Variants in TRPS1 observed in about 807,000 individuals in gnomAD.
TRPS1 encodes the protein transcriptional repressor GATA binding 1.
TRPS1 carries 6 observed loss-of-function variants against 101.2 expected under a neutral mutation model. That is an observed-to-expected ratio of 0.06 (90% CI 0.03 to 0.12). The LOEUF is 0.12. Among genes scored for constraint, TRPS1 ranks in the 10% least tolerant of loss-of-function variants. TRPS1 has a pLI of 1.00. For missense variants in TRPS1, 1,363 were observed against 1,567.0 expected, an observed-to-expected ratio of 0.87 and a Z score of 2.20; for synonymous variants, 578 against 589.8, an observed-to-expected ratio of 0.98 and a Z score of 0.29.
chr8:115,487,323 C>G (rs1814907765), intron 5 of TRPS1, among the ~76,000 whole-genome samples: 1 of 152,088 alleles, frequency 6.6e-6, no homozygotes, highest in East Asian at 1.9e-4. Context: ...CCCCAGAGCT[C>G]TGATGGATAT....
intron 1 of TRPS1, among the ~76,000 whole-genome samples, chr8:115,626,585 A>G (rs1477083329): frequency 6.6e-6 from 1 of 151,806 alleles, no homozygotes; most frequent in Non-Finnish European, 1.5e-5. Context: ...TTTTAAAGCT[A>G]TTTTTGAACA....
chr8:115,522,139 T>C (rs547418720), intron 5 of TRPS1, among the ~76,000 whole-genome samples: 3 of 152,070 alleles, frequency 2.0e-5, no homozygotes, highest in African/African-American at 7.2e-5. Flanking sequence ...CTACGTAAGA[T>C]AGGGTATTGA....
rs1382648999 is a variant in TRPS1, at chr8:115,587,579, G to A, written c.2122C>T (p.Arg708Cys). 2 of 1,614,006 alleles carry A rather than the reference G, an allele frequency of 1.2e-6. No homozygotes were observed. The highest frequency in any genetic ancestry group is 2.2e-5 in the East Asian group (1 of 44,880). ...YRRAHSCYKC[R>C]QCSFTAADTQ... ...TCGGCAGCTGTAAAACTGCACTGAC[G>A]GCATTTGTAGCAGCTGTGTGCTCTC... is the stretch of plus-strand genomic sequence containing the variant. The change falls in exon 5 of 7, where the codon CGT (arginine) becomes TGT (cysteine). Residue 708 changes from arginine (R) to cysteine (C), a missense_variant. This residue lies in a region of TRPS1 where 1,020 missense variants were observed against 1,073.0 expected (regional missense o/e 0.95). Transcript: ENST00000395715.
chr8:115,560,836 A>G (rs529234724), intron 5 of TRPS1, among the ~76,000 whole-genome samples: 2 of 152,214 alleles, frequency 1.3e-5, no homozygotes, highest in South Asian at 4.1e-4. Context: ...TAGCATAAAA[A>G]TCCCTACTGA....
intron 1 of TRPS1, among the ~76,000 whole-genome samples, chr8:115,647,611 ATGTT>A (rs1811445173): frequency 6.6e-6 from 1 of 152,196 alleles, no homozygotes; most frequent in Non-Finnish European, 1.5e-5. Flanking sequence ...CTACTCAAGA[ATGTT>A]TGTGTAAGTA....
intron 5 of TRPS1, among the ~76,000 whole-genome samples, chr8:115,539,854 C>G (rs1007580303): frequency 3.9e-5 from 6 of 152,116 alleles, no homozygotes; most frequent in African/African-American, 1.4e-4. Context: ...TGGAATGCAG[C>G]CTCCGACTCA....
chr8:115,425,478 C>T (rs753103846), intron 5 of TRPS1, among the ~76,000 whole-genome samples: 12 of 152,144 alleles, frequency 7.9e-5, no homozygotes, highest in Non-Finnish European at 1.3e-4. Context: ...AGTTTTTGTT[C>T]CAGGACATGA....
rs755499220 is a variant in TRPS1, at chr8:115,414,567, T to C, written c.3341A>G (p.His1114Arg). ...ATCAGCTTCACTCTGGAAGTCATTA[T>C]GTACAAAGGGAAGTCCAAAAAGTGG... ...QYPLFGLPFVHNDFQSEADWL... is the reference protein window; with the variant it reads ...QYPLFGLPFVRNDFQSEADWL... The change falls in exon 7 of 7, where the codon CAT becomes CGT. Residue 1114 changes from histidine (H) to arginine (R), a missense_variant. Transcript: ENST00000395715. The surrounding 1 kb of genome is among the most constrained non-coding windows in gnomAD (Gnocchi z 4.8). 1.2e-6 allele frequency: 2 copies of C among 1,613,978 alleles called. No individual in the cohort carries two copies. The highest frequency in any genetic ancestry group is 1.1e-5 in the South Asian group (1 of 91,082).
intron 5 of TRPS1, among the ~76,000 whole-genome samples, chr8:115,562,404 TTAG>T: frequency 6.6e-6 from 1 of 152,116 alleles, no homozygotes; most frequent in South Asian, 2.1e-4. Context: ...TTTTTAAGTT[TTAG>T]TACTTAATTC....
chr8:115,502,784 C>T (rs971691156), intron 5 of TRPS1, among the ~76,000 whole-genome samples: 3 of 152,096 alleles, frequency 2.0e-5, no homozygotes, highest in African/African-American at 7.2e-5. Flanking sequence ...GAAATGGCAT[C>T]TCATGTATTT....
chr8:115,629,511 C>T (rs191674964), intron 1 of TRPS1, among the ~76,000 whole-genome samples: 3 of 151,884 alleles, frequency 2.0e-5, no homozygotes, highest in African/African-American at 7.2e-5. Flanking sequence ...ATACAGATAT[C>T]ACTGCATAAA....
chr8:115,491,135 T>C (rs1448757089), intron 5 of TRPS1, among the ~76,000 whole-genome samples: 1 of 152,224 alleles, frequency 6.6e-6, no homozygotes, highest in Non-Finnish European at 1.5e-5. Flanking sequence ...CCCTTTACCT[T>C]GTAATAATTA....
At chr8:115,508,414 G>A (rs1815498797) in intron 5 of TRPS1, among the ~76,000 whole-genome samples, 1 of 152,062 alleles carries the variant, frequency 6.6e-6, no homozygotes, top group African/African-American at 2.4e-5. Flanking sequence ...GTCAAATATT[G>A]TCGTAGTACT....
At chr8:115,454,306 T>A (rs1406775840) in intron 5 of TRPS1, among the ~76,000 whole-genome samples, 4 of 152,232 alleles carry the variant, frequency 2.6e-5, no homozygotes, top group African/African-American at 9.6e-5. Context: ...TCTGGTAATG[T>A]TTTGAATTAT....
chr8:115,447,234 C>G (rs1261954429), intron 5 of TRPS1, among the ~76,000 whole-genome samples: 1 of 152,234 alleles, frequency 6.6e-6, no homozygotes, highest in East Asian at 1.9e-4. Context: ...TTTGCCCTAT[C>G]CTTGCTCCAA....
chr8:115,434,968 C>A (rs371625880), intron 5 of TRPS1, among the ~76,000 whole-genome samples: 1 of 152,176 alleles, frequency 6.6e-6, no homozygotes, highest in East Asian at 1.9e-4. Context: ...AAATCCAAAA[C>A]CTTTCATCAC....
intron 5 of TRPS1, among the ~76,000 whole-genome samples, chr8:115,563,676 G>A (rs182620894): frequency 2.7e-3 from 416 of 152,152 alleles, no homozygotes; most frequent in African/African-American, 9.4e-3. Flanking sequence ...AGCCAACCAC[G>A]TGATCTTTAA....
At chr8:115,456,251 C>A (rs753891945) in intron 5 of TRPS1, among the ~76,000 whole-genome samples, 1 of 152,040 alleles carries the variant, frequency 6.6e-6, no homozygotes, top group Non-Finnish European at 1.5e-5. Context: ...AATTACGCAA[C>A]GTGTCAAGAA....
chr8:115,599,740 T>G (rs190081107), intron 4 of TRPS1, among the ~76,000 whole-genome samples: 58 of 152,314 alleles, frequency 3.8e-4, no homozygotes, highest in Admixed American at 7.2e-4. Context: ...CAATCTATCA[T>G]TGGTGGACAT....
Sources: gnomAD v4.1 joint callset for allele counts (sites outside exome capture counted in the v4.1 genomes callset) on GRCh38, gnomAD v4.1.1 for gene constraint, gnomAD v4.1.1 regional missense constraint, Gnocchi (gnomAD v3.1) non-coding constraint, MANE v1.5 for transcripts, NCBI Gene and HGNC (gene_info 2026-07-23, HGNC 2026-07-21) for gene names.